HS2ST1: variants seen among roughly 807,000 people sequenced by gnomAD.
HS2ST1 encodes the protein heparan sulfate 2-O-sulfotransferase 1.
In HS2ST1, 18 loss-of-function variants were observed where a neutral mutation model predicts 42.9. The ratio of observed to expected loss-of-function variants is 0.42; its 90% confidence interval spans 0.29 to 0.62. The LOEUF is 0.62. Ranked by LOEUF, HS2ST1 falls within the 20% of genes least tolerant of loss-of-function variation. The pLI, the probability that HS2ST1 is intolerant of heterozygous loss-of-function variation, is 0.21. For missense variants in HS2ST1, 334 were observed against 433.8 expected (o/e 0.77, Z 2.04); for synonymous variants, 146 against 152.9 (o/e 0.95, Z 0.33).
At chr1:87,069,266 A>G (rs936161434) in intron 1 of HS2ST1, among the ~76,000 whole-genome samples, 1 of 152,200 alleles carries the variant, frequency 6.6e-6, no homozygotes, top group Admixed American at 6.5e-5. Flanking sequence ...GCAATTTATT[A>G]CTCAAAGATG....
rs1395039741 is a variant in HS2ST1 at position 86,990,828 on chromosome 1, ATATATATATTTTTTTTT to A, written c.124+75670_124+75686del. Among the ~76,000 whole-genome samples, 6 of 17,788 alleles carry A rather than the reference ATATATATATTTTTTTTT, an allele frequency of 3.4e-4. No individual in the cohort carries two copies. In the South Asian group the frequency reaches 0.022, roughly 64 times the overall value. 11.7% of individuals were successfully genotyped at this position (17,788 alleles called of 152,430 possible). On this transcript the variant is annotated intron_variant, in intron 1 of 6. Coordinates refer to ENST00000370550, the MANE Select transcript of HS2ST1 (RefSeq NM_012262.4). ...TGGCTAATTTTATATATATATATAT[ATATATATATTTTTTTTT>A]TTTTTTTTTTTTTTAGTAGAGATGG...
intron 1 of HS2ST1, among the ~76,000 whole-genome samples, chr1:87,014,987 GTT>G (rs945958164): frequency 8.5e-5 from 13 of 152,240 alleles, no homozygotes; most frequent in South Asian, 2.1e-4. Context: ...TTCTCAGTTT[GTT>G]ATTAAGGTTG....
intron 2 of HS2ST1, among the ~76,000 whole-genome samples, chr1:87,079,879 AT>A (rs955655287): frequency 5.5e-5 from 8 of 146,620 alleles, no homozygotes; most frequent in African/African-American, 7.6e-5. Context: ...AAAAAAAAAA[AT>A]TTTTTTTTTC....
At chr1:87,097,627 C>T (rs1197006445) in intron 4 of HS2ST1, among the ~76,000 whole-genome samples, 3 of 152,104 alleles carry the variant, frequency 2.0e-5, no homozygotes, top group East Asian at 1.9e-4. Context: ...TTCTTGACCT[C>T]GCGATCTGCC....
chr1:86,916,833 A>G (rs1318144857), intron 1 of HS2ST1, among the ~76,000 whole-genome samples: 1 of 152,144 alleles, frequency 6.6e-6, no homozygotes, highest in Non-Finnish European at 1.5e-5. Context: ...TTTTGTTACT[A>G]TTTGGAATTG....
rs183039982 is a variant in HS2ST1, at chr1:86,986,469, C to T, written c.124+71309C>T. 2.3e-3 allele frequency among the ~76,000 whole-genome samples: 351 copies of T among 152,212 alleles called. 7 individuals are homozygous for T. The highest frequency in any genetic ancestry group is 8.7e-4 in the Non-Finnish European group (59 of 68,018). On this transcript the variant is annotated intron_variant, in intron 1 of 6. Coordinates refer to ENST00000370550, the MANE Select transcript of HS2ST1 (RefSeq NM_012262.4). ...CCTGCAAGATGTCTGTGTCCTAATA[C>T]CTGGAATTTGTGGATATATTAATTT...
intron 1 of HS2ST1, among the ~76,000 whole-genome samples, chr1:87,014,201 C>T (rs1394058497): frequency 6.6e-6 from 1 of 152,146 alleles, no homozygotes; most frequent in African/African-American, 2.4e-5. Context: ...CGAGACTGGT[C>T]ATTTATAAAG....
chr1:87,087,673 C>T (rs1035659903), intron 3 of HS2ST1, among the ~76,000 whole-genome samples: 1 of 152,150 alleles, frequency 6.6e-6, no homozygotes, highest in African/African-American at 2.4e-5. Flanking sequence ...CCTAATACTT[C>T]TCTGCTAAAC....
At chr1:86,948,414 T>G (rs746996271) in intron 1 of HS2ST1, among the ~76,000 whole-genome samples, 14 of 152,110 alleles carry the variant, frequency 9.2e-5, no homozygotes, top group Non-Finnish European at 2.1e-4. Context: ...TCGGCCTGAG[T>G]CTAGCTGGGC....
chr1:86,914,927 C>T lies in HS2ST1; in HGVS notation c.-110C>T, dbSNP rs998797269. 8 of 1,380,744 alleles carry T rather than the reference C, an allele frequency of 5.8e-6. No homozygotes were observed. In the Admixed American group the frequency reaches 1.4e-4, roughly 24 times the overall value. The allele number at this position is 1,380,744 out of a possible 1,614,324, so 85.5% of individuals were successfully genotyped here. Reference sequence around the variant, plus strand: ...CTGCGGTGGTTCTCTCGCTGTCGCTCTCTCTTTGCCTCGCTCCCGGCTCGG... The same window carrying T: ...CTGCGGTGGTTCTCTCGCTGTCGCTTTCTCTTTGCCTCGCTCCCGGCTCGG... On this transcript the variant is annotated 5_prime_UTR_variant, in exon 1 of 7. Coordinates refer to ENST00000370550, the MANE Select transcript of HS2ST1 (RefSeq NM_012262.4).
At chr1:86,988,826 C>A (rs1385367454) in intron 1 of HS2ST1, among the ~76,000 whole-genome samples, 3 of 152,174 alleles carry the variant, frequency 2.0e-5, no homozygotes, top group African/African-American at 7.2e-5. Flanking sequence ...AGGCATTGAT[C>A]AAAAATTGGC....
chr1:86,940,163 A>G (rs1378394320), intron 1 of HS2ST1, among the ~76,000 whole-genome samples: 2 of 152,122 alleles, frequency 1.3e-5, no homozygotes, highest in Non-Finnish European at 2.9e-5. Flanking sequence ...CAGGAGTTCA[A>G]AAGTTCAAGA....
intron 1 of HS2ST1, among the ~76,000 whole-genome samples, chr1:87,039,510 C>G (rs1039079957): frequency 1.3e-5 from 2 of 152,220 alleles, no homozygotes; most frequent in African/African-American, 4.8e-5. Context: ...ACATCCATCT[C>G]TGAATGCAGA....
At chr1:87,079,181 A>G (rs1022815447) in intron 2 of HS2ST1, among the ~76,000 whole-genome samples, 1 of 151,254 alleles carries the variant, frequency 6.6e-6, no homozygotes, top group African/African-American at 2.4e-5. Flanking sequence ...AGGCTGGACC[A>G]GGCTGGAGTG....
chr1:87,081,099 A>G (rs1157280333), intron 2 of HS2ST1, among the ~76,000 whole-genome samples: 4 of 152,236 alleles, frequency 2.6e-5, no homozygotes, highest in African/African-American at 7.2e-5. Context: ...ATAGACCCCA[A>G]TACAATAATA....
At chr1:86,936,933 T>TA (rs60940882) in intron 1 of HS2ST1, among the ~76,000 whole-genome samples, 16,159 of 98,262 alleles carry the variant, frequency 0.16, 1,637 homozygotes, top group African/African-American at 0.32. Flanking sequence ...CCGTCTCTAC[T>TA]AAAAAAAAAA....
chr1:86,954,716 T>C (rs865783161), intron 1 of HS2ST1, among the ~76,000 whole-genome samples: 4 of 152,204 alleles, frequency 2.6e-5, no homozygotes, highest in Admixed American at 1.3e-4. Flanking sequence ...TTTTCAGGTT[T>C]CTTCTGAATC....
At chr1:86,917,348 ATC>A (rs1008449179) in intron 1 of HS2ST1, among the ~76,000 whole-genome samples, 4 of 152,106 alleles carry the variant, frequency 2.6e-5, no homozygotes, top group African/African-American at 9.7e-5. Context: ...GTGAAACCCT[ATC>A]TCTACTAAAA....
intron 1 of HS2ST1, among the ~76,000 whole-genome samples, chr1:87,006,786 T>C (rs1341218566): frequency 6.6e-6 from 1 of 152,154 alleles, no homozygotes; most frequent in Non-Finnish European, 1.5e-5. Context: ...TATTTCTAAA[T>C]ATTTGCTAAC....
Sources: gnomAD v4.1 joint callset for allele counts (sites outside exome capture counted in the v4.1 genomes callset) on GRCh38, gnomAD v4.1.1 for gene constraint, MANE v1.5 for transcripts, NCBI Gene and HGNC (gene_info 2026-07-23, HGNC 2026-07-21) for gene names.